IMMP2L: variants seen among roughly 807,000 people sequenced by gnomAD.
IMMP2L encodes the protein mitochondrial inner membrane protease subunit 2.
A neutral mutation model predicts 19.3 loss-of-function variants in IMMP2L; 18 were observed. That is an observed-to-expected ratio of 0.93 (90% CI 0.64 to 1.38). The LOEUF is 1.38. Among genes scored for constraint, IMMP2L ranks in the 40% most tolerant of loss-of-function variants. The probability of loss-of-function intolerance (pLI) is 0.00; values close to 1 mark genes in which losing one functional copy is unlikely to be tolerated. For missense variants in IMMP2L, 233 were observed against 218.2 expected (o/e 1.07, Z -0.43); for synonymous variants, 76 against 73.0 (o/e 1.04, Z -0.21).
intron 4 of IMMP2L, among the ~76,000 whole-genome samples, chr7:110,941,245 C>T (rs1245351961): frequency 1.3e-5 from 2 of 152,180 alleles, no homozygotes. Context: ...AGTATTATGG[C>T]TATTCAGTAT....
rs931817766 is a variant in IMMP2L, at chr7:111,005,733, G to A, written c.240-42168C>T. On this transcript the variant is annotated intron_variant, in intron 3 of 5. Coordinates refer to ENST00000405709, the MANE Select transcript of IMMP2L (RefSeq NM_032549.4). ...AATCTGATTCCTTTTATGAGGTTTT[G>A]ATTTTGATGACAATTACCCCTTCAG... is the stretch of plus-strand genomic sequence containing the variant. 2.0e-5 allele frequency among the ~76,000 whole-genome samples: 3 copies of A among 152,242 alleles called. No homozygotes were observed. In the South Asian group the frequency reaches 6.2e-4, roughly 32 times the overall value.
intron 3 of IMMP2L, among the ~76,000 whole-genome samples, chr7:111,141,387 T>C (rs1264052068): frequency 6.6e-6 from 1 of 152,048 alleles, no homozygotes; most frequent in African/African-American, 2.4e-5. Context: ...ATATATACAT[T>C]ATTATAAATT....
chr7:110,776,719 C>T (rs747051563), intron 5 of IMMP2L, among the ~76,000 whole-genome samples: 1 of 152,126 alleles, frequency 6.6e-6, no homozygotes, highest in Non-Finnish European at 1.5e-5. Context: ...CACTTATCCT[C>T]AATTTCTAGA....
At chr7:111,293,474 G>A (rs183002054) in intron 3 of IMMP2L, among the ~76,000 whole-genome samples, 91 of 151,532 alleles carry the variant, frequency 6.0e-4, no homozygotes, top group Admixed American at 4.5e-3. Flanking sequence ...GGGAGTCTAC[G>A]CAGCTAGCAA....
At chr7:111,180,581 C>CA (rs1159456273) in intron 3 of IMMP2L, among the ~76,000 whole-genome samples, 2 of 151,986 alleles carry the variant, frequency 1.3e-5, no homozygotes, top group Non-Finnish European at 2.9e-5. Context: ...AAATGTGACA[C>CA]AAAAACATGA....
intron 3 of IMMP2L, among the ~76,000 whole-genome samples, chr7:111,447,215 A>C (rs950225500): frequency 1.4e-5 from 2 of 143,156 alleles, no homozygotes; most frequent in Non-Finnish European, 1.5e-5. Flanking sequence ...AACGCCACAA[A>C]GATACTCCTC....
chr7:110,952,714 C>G (rs1817957764), intron 4 of IMMP2L, among the ~76,000 whole-genome samples: 1 of 152,134 alleles, frequency 6.6e-6, no homozygotes, highest in South Asian at 2.1e-4. Context: ...TGAAGAGATT[C>G]TTCCTATTTA....
rs1842558311 is a variant in IMMP2L, at chr7:111,485,512, G to C, written c.239+1726C>G. Among the ~76,000 whole-genome samples the C allele has an allele frequency of 1.4e-5, 2 of 138,190 alleles. 1 individual carries two copies. Among genetic ancestry groups the C allele is most frequent in the South Asian group, 4.9e-4 (2 of 4,102 alleles). The allele number at this position is 138,190 out of a possible 152,430, so 90.7% of individuals were successfully genotyped here. On this transcript the variant is annotated intron_variant, in intron 3 of 5. Transcript: ENST00000405709. The stretch of plus-strand genomic sequence containing the variant: ...ACTCAGGAGGCTGAAGCAGGAGAAT[G>C]GCCTGAACCCAGGAGGCGGGGCTTG...
chr7:111,096,516 A>AAC (rs1554515038), intron 3 of IMMP2L, among the ~76,000 whole-genome samples: 1 of 151,254 alleles, frequency 6.6e-6, no homozygotes, highest in Non-Finnish European at 1.5e-5. Context: ...TTTAAAAAAA[A>AAC]AAAAACAAAA....
chr7:110,837,229 CTG>C (rs1437797110), intron 5 of IMMP2L, among the ~76,000 whole-genome samples: 1 of 151,688 alleles, frequency 6.6e-6, no homozygotes, highest in Non-Finnish European at 1.5e-5. Context: ...CTATAATACA[CTG>C]TATAAAAAGA....
At chr7:111,181,999 C>A (rs537029055) in intron 3 of IMMP2L, among the ~76,000 whole-genome samples, 25 of 151,932 alleles carry the variant, frequency 1.6e-4, no homozygotes, top group Middle Eastern at 3.4e-3. Context: ...GCAGCCATTT[C>A]TTACTTTAAT....
intron 4 of IMMP2L, chr7:110,963,007 T>C: frequency 6.6e-7 from 1 of 1,504,210 alleles, no homozygotes; most frequent in South Asian, 1.3e-5. Context: ...CACCTGATTG[T>C]TACAATCTTA....
intron 4 of IMMP2L, among the ~76,000 whole-genome samples, chr7:110,893,690 C>A (rs1811045677): frequency 6.6e-6 from 1 of 152,030 alleles, no homozygotes; most frequent in Non-Finnish European, 1.5e-5. Flanking sequence ...ATAGTGAGCA[C>A]AGTACCCCAA....
chr7:111,070,130 A>G (rs542325713), intron 3 of IMMP2L, among the ~76,000 whole-genome samples: 1 of 152,320 alleles, frequency 6.6e-6, no homozygotes, highest in African/African-American at 2.4e-5. Context: ...GTAAATTGAT[A>G]GTGAAAAAAA....
At chr7:110,889,864 T>C (rs2129545915) in intron 4 of IMMP2L, among the ~76,000 whole-genome samples, 1 of 152,338 alleles carries the variant, frequency 6.6e-6, no homozygotes, top group Admixed American at 6.5e-5. Flanking sequence ...AAAGTTATTC[T>C]ATAGATAAAA....
At chr7:111,163,498 A>G (rs537546650) in intron 3 of IMMP2L, among the ~76,000 whole-genome samples, 1 of 152,204 alleles carries the variant, frequency 6.6e-6, no homozygotes, top group Admixed American at 6.5e-5. Context: ...AAAGTTGATA[A>G]TCCCCTAACT....
intron 3 of IMMP2L, among the ~76,000 whole-genome samples, chr7:111,307,775 T>A (rs1403887489): frequency 6.6e-6 from 1 of 151,794 alleles, no homozygotes; most frequent in Non-Finnish European, 1.5e-5. Flanking sequence ...CCAACTTCCT[T>A]AGAAATGGCC....
At chr7:111,124,686 G>T (rs1801080402) in intron 3 of IMMP2L, 2 of 1,613,904 alleles carry the variant, frequency 1.2e-6, no homozygotes, top group African/African-American at 2.7e-5. Context: ...GCCTTCTGGG[G>T]ATTATTGGTG....
chr7:110,974,311 T>A (rs1203312075), intron 3 of IMMP2L, among the ~76,000 whole-genome samples: 1 of 152,006 alleles, frequency 6.6e-6, no homozygotes, highest in African/African-American at 2.4e-5. Flanking sequence ...TTAAGAAAGA[T>A]CTCCAGTATG....
Sources: gnomAD v4.1 joint callset for allele counts (sites outside exome capture counted in the v4.1 genomes callset) on GRCh38, gnomAD v4.1.1 for gene constraint, MANE v1.5 for transcripts, NCBI Gene and HGNC (gene_info 2026-07-23, HGNC 2026-07-21) for gene names.